Variants in RPTOR observed in about 807,000 individuals in gnomAD.
RPTOR encodes the protein regulatory associated protein of MTOR complex 1, also known as regulatory-associated protein of mTOR.
A neutral mutation model predicts 169.9 loss-of-function variants in RPTOR; 21 were observed. The observed-to-expected ratio is 0.12, with a 90% CI of 0.09 to 0.18. The LOEUF (loss-of-function observed/expected upper bound fraction) is 0.18, where lower values mean the gene tolerates loss of function less well. Among genes scored for constraint, RPTOR ranks in the 10% least tolerant of loss-of-function variants. The pLI is 1.00. For synonymous variants in RPTOR, 732 were observed against 753.2 expected (o/e 0.97, Z 0.46); for missense variants, 1,133 against 1,855.9 (o/e 0.61, Z 7.16).
intron 12 of RPTOR, 128 bp from the exon 13 acceptor site, chr17:80,857,662 C>T: frequency 1.6e-6 from 1 of 624,036 alleles, no homozygotes; most frequent in South Asian, 1.9e-5. Flanking sequence ...TAAGTGAGGC[C>T]CATTCATTCC....
chr17:80,668,753 C>T (rs183063904), intron 3 of RPTOR, among the ~76,000 whole-genome samples: 2 of 152,332 alleles, frequency 1.3e-5, no homozygotes, highest in African/African-American at 4.8e-5. Context: ...TTCAGCAGAG[C>T]GGCTGCCCCA....
At chr17:80,799,026 G>A (rs1340156982) in intron 7 of RPTOR, among the ~76,000 whole-genome samples, 2 of 152,176 alleles carry the variant, frequency 1.3e-5, no homozygotes, top group African/African-American at 4.8e-5. Flanking sequence ...CCTCCCTGGG[G>A]AAGCGTTTGC....
chr17:80,931,425 A>G lies in RPTOR; in HGVS notation c.2919+5945A>G, dbSNP rs377570709. On this transcript the variant is annotated intron_variant, in intron 24 of 33. Coordinates refer to ENST00000306801, the MANE Select transcript of RPTOR (RefSeq NM_020761.3). ...TTTGCGCAAGGCTAAACCTGGACCA[A>G]TGGAGAATCTCAAACCTTTGGGAGC... is the stretch of plus-strand genomic sequence containing the variant. 4.7e-4 allele frequency among the ~76,000 whole-genome samples: 72 copies of G among 152,322 alleles called. 1 individual carries two copies. The South Asian group carries it at 5.2e-3, about 11-fold the overall frequency.
chr17:80,560,013 A>G (rs1008011428), intron 1 of RPTOR, among the ~76,000 whole-genome samples: 2 of 152,248 alleles, frequency 1.3e-5, no homozygotes, highest in Admixed American at 1.3e-4. Context: ...CACTGCACGT[A>G]GGGTGCATGG....
chr17:80,863,347 A>G (rs2067942118), intron 13 of RPTOR, among the ~76,000 whole-genome samples: 1 of 152,216 alleles, frequency 6.6e-6, no homozygotes, highest in African/African-American at 2.4e-5. Context: ...ACTACCAGCC[A>G]GAAATTACCA....
chr17:80,886,647 C>G (rs887223677), intron 17 of RPTOR, among the ~76,000 whole-genome samples: 3 of 152,246 alleles, frequency 2.0e-5, no homozygotes, highest in Non-Finnish European at 2.9e-5. Flanking sequence ...CGGGCTGTGG[C>G]CCTGTGGTGT....
intron 1 of RPTOR, among the ~76,000 whole-genome samples, chr17:80,553,095 C>A (rs12950635): frequency 6.6e-6 from 1 of 152,176 alleles, no homozygotes; most frequent in Non-Finnish European, 1.5e-5. Context: ...ATCAAGACAG[C>A]GGTGCCAAGC....
At chr17:80,578,305 G>C (rs770936713) in intron 1 of RPTOR, among the ~76,000 whole-genome samples, 1 of 152,130 alleles carries the variant, frequency 6.6e-6, no homozygotes, top group Non-Finnish European at 1.5e-5. Context: ...GAAATTGAAG[G>C]CTTGAGAGGT....
At chr17:80,808,644 C>T (rs1353276793) in intron 7 of RPTOR, among the ~76,000 whole-genome samples, 4 of 152,164 alleles carry the variant, frequency 2.6e-5, no homozygotes, top group Admixed American at 6.5e-5. Flanking sequence ...GCGTATATCC[C>T]GTGTGTCCCC....
chr17:80,778,007 G>C (rs140077739), intron 6 of RPTOR, among the ~76,000 whole-genome samples: 72 of 152,258 alleles, frequency 4.7e-4, no homozygotes, highest in African/African-American at 1.7e-3. Context: ...TCATTATGCA[G>C]TTTATCAAAT....
rs2069411031 is a variant in RPTOR at position 80,965,221 on chromosome 17, G to C, written c.*891G>C. The stretch of plus-strand genomic sequence containing the variant: ...ATGCCTGTGCCCTCACACAGGTGTA[G>C]CACACGCATGTGCAGATGGCACCAC... On this transcript the variant is annotated 3_prime_UTR_variant, in exon 34 of 34. Coordinates refer to ENST00000306801, the MANE Select transcript of RPTOR (RefSeq NM_020761.3). 4.3e-6 allele frequency: 1 copy of C among 233,262 alleles called. No individual in the cohort carries two copies. The highest frequency in any genetic ancestry group is 5.6e-5 in the Admixed American group (1 of 17,792). The allele number at this position is 233,262 out of a possible 1,614,324, so 14.4% of individuals were successfully genotyped here.
chr17:80,816,316 C>G (rs2067322913), intron 7 of RPTOR, among the ~76,000 whole-genome samples: 1 of 152,194 alleles, frequency 6.6e-6, no homozygotes, highest in Non-Finnish European at 1.5e-5. Context: ...CTTTGGGAGG[C>G]CTGGCTGGCC....
At chr17:80,854,745 T>TGGTGG (rs1166086461) in intron 11 of RPTOR, among the ~76,000 whole-genome samples, 31 of 152,112 alleles carry the variant, frequency 2.0e-4, no homozygotes, top group African/African-American at 6.8e-4. Flanking sequence ...AATACAAAAA[T>TGGTGG]TAACCAGGCA....
intron 24 of RPTOR, among the ~76,000 whole-genome samples, chr17:80,939,030 C>T (rs779135355): frequency 1.3e-5 from 2 of 152,212 alleles, no homozygotes; most frequent in East Asian, 1.9e-4. Context: ...TCAGAGAAAG[C>T]GACTTTTTAA....
In RPTOR at chr17:80,860,921, T is replaced by G. The variant is rs2067911477; in HGVS notation, c.1509+3021T>G. Among the ~76,000 whole-genome samples the G allele has an allele frequency of 9.4e-6, 1 of 106,030 alleles. No homozygotes were observed. The highest frequency in any genetic ancestry group is 2.4e-5 in the Non-Finnish European group (1 of 41,040). The allele number at this position is 106,030 out of a possible 152,430, so 69.6% of individuals were successfully genotyped here. Reference sequence around the variant, plus strand: ...TCCTGAGCTGGATGCGGGGAGCTGCTGCTCTTCCTCTCAGCACAGCTGAGG... The same window carrying G: ...TCCTGAGCTGGATGCGGGGAGCTGCGGCTCTTCCTCTCAGCACAGCTGAGG... On this transcript the variant is annotated intron_variant, in intron 13 of 33. Transcript: ENST00000306801. The surrounding 1 kb of genome is among the most constrained non-coding windows in gnomAD (Gnocchi z 5.8).
At chr17:80,809,972 C>T (rs1204943086) in intron 7 of RPTOR, among the ~76,000 whole-genome samples, 5 of 151,940 alleles carry the variant, frequency 3.3e-5, no homozygotes, top group Non-Finnish European at 5.9e-5. Flanking sequence ...GGGAGGCGGA[C>T]GTTGAGTCCG....
intron 13 of RPTOR, 40 bp from the exon 14 acceptor site, chr17:80,880,375 C>T (rs2068172966): frequency 1.3e-6 from 2 of 1,562,932 alleles, no homozygotes; most frequent in South Asian, 1.1e-5. Flanking sequence ...ATCTGCGGGA[C>T]ACTGCACTCA....
chr17:80,815,580 G>A (rs145411058), intron 7 of RPTOR, among the ~76,000 whole-genome samples: 89 of 152,380 alleles, frequency 5.8e-4, no homozygotes, highest in Admixed American at 1.3e-3. Context: ...GGACTGTGGA[G>A]ATCACACCAT....
At position 80,562,640 on chromosome 17, in the gene RPTOR, TG is replaced by T. The variant is rs1384789631; in HGVS notation, c.162+16852del. ...CTCTACTAAAAATACAGGAATTATCTGGGTGTGGTGACGCACACCTGTAATC... is the reference window on the plus strand; with the variant it reads ...CTCTACTAAAAATACAGGAATTATCTGGTGTGGTGACGCACACCTGTAATC... On this transcript the variant is annotated intron_variant, in intron 1 of 33. Transcript: ENST00000306801. This position sits in a 1 kb window ranked among gnomAD's most constrained non-coding sequence, Gnocchi z 4.4. Among the ~76,000 whole-genome samples the T allele has an allele frequency of 6.6e-6, 1 of 151,988 alleles. No homozygotes were observed. Among genetic ancestry groups the T allele is most frequent in the Admixed American group, 6.6e-5 (1 of 15,262 alleles).
Sources: gnomAD v4.1 joint callset for allele counts (sites outside exome capture counted in the v4.1 genomes callset) on GRCh38, gnomAD v4.1.1 for gene constraint, Gnocchi (gnomAD v3.1) non-coding constraint, MANE v1.5 for transcripts, NCBI Gene and HGNC (gene_info 2026-07-23, HGNC 2026-07-21) for gene names.